Variants in MYO5C observed in about 807,000 individuals in gnomAD.
The protein encoded by MYO5C is myosin VC.
A neutral mutation model predicts 235.7 loss-of-function variants in MYO5C; 194 were observed. That is an observed-to-expected ratio of 0.82 (90% CI 0.73 to 0.93). The LOEUF (loss-of-function observed/expected upper bound fraction) is 0.93, where lower values mean the gene tolerates loss of function less well. Ranked by LOEUF, MYO5C falls within the 40% of genes least tolerant of loss-of-function variation. The pLI, the probability that MYO5C is intolerant of heterozygous loss-of-function variation, is 0.00. For synonymous variants in MYO5C, 707 were observed against 754.8 expected (o/e 0.94, Z 1.04); for missense variants, 2,038 against 2,127.2 (o/e 0.96, Z 0.82).
chr15:52,282,251 C>T lies in MYO5C; in HGVS notation c.138+531G>A, dbSNP rs375844165. ...TTCTTGTCCCTGCCACACTCCCTCC[C>T]TTACACATTTCTATATATCTGTGGA... On this transcript the variant is annotated intron_variant, in intron 2 of 40. Coordinates refer to ENST00000261839, the MANE Select transcript of MYO5C (RefSeq NM_018728.4). Among the ~76,000 whole-genome samples, 29 of 152,322 alleles carry T rather than the reference C, an allele frequency of 1.9e-4. No homozygotes were observed. In the East Asian group the frequency reaches 5.6e-3, roughly 29 times the overall value.
In MYO5C at chr15:52,233,294, A is replaced by AT. The variant is rs1200269637; in HGVS notation, c.2963-610_2963-609insA. Among the ~76,000 whole-genome samples, 30 of 12,308 alleles carry AT rather than the reference A, an allele frequency of 2.4e-3. 6 individuals carry two copies. The highest frequency in any genetic ancestry group is 3.4e-3 in the African/African-American group (30 of 8,718). 8.1% of individuals were successfully genotyped at this position (12,308 alleles called of 152,430 possible). On this transcript the variant is annotated intron_variant, in intron 23 of 40. Coordinates refer to ENST00000261839, the MANE Select transcript of MYO5C (RefSeq NM_018728.4). ...ACTCCGTCTCAAAAAAAAAAAAAAA[A>AT]AAATTAAAAAAAAAAAAAAATAAAT...
At chr15:52,209,965 TTA>T (rs1161323109) in intron 35 of MYO5C, among the ~76,000 whole-genome samples, 19 of 152,240 alleles carry the variant, frequency 1.2e-4, no homozygotes, top group Admixed American at 1.1e-3. Flanking sequence ...AATTAATTAA[TTA>T]ATTTATTTAT....
intron 9 of MYO5C, among the ~76,000 whole-genome samples, chr15:52,261,376 G>A (rs1411836445): frequency 3.9e-5 from 6 of 152,244 alleles, no homozygotes; most frequent in Admixed American, 1.3e-4. Flanking sequence ...CCAGGGCTGC[G>A]TCCCACGCTG....
chr15:52,197,393 C>T (rs1447652732), intron 38 of MYO5C, among the ~76,000 whole-genome samples: 1 of 152,126 alleles, frequency 6.6e-6, no homozygotes, highest in South Asian at 2.1e-4. Context: ...CAAAAGATAA[C>T]ATTTTATGAT....
At position 52,205,876 on chromosome 15, in the gene MYO5C, C is replaced by T. The variant is rs1457183117; in HGVS notation, c.4477G>A (p.Ala1493Thr). 1 of 1,593,986 alleles carries T rather than the reference C, an allele frequency of 6.3e-7. No individual in the cohort carries two copies. The highest frequency in any genetic ancestry group is 8.6e-7 in the Non-Finnish European group (1 of 1,165,882). ...ATAAATTGATGATATATTCGTATAGCCACATCACTGAGAATCTGTCTGTAT... is the reference window on the plus strand; with the variant it reads ...ATAAATTGATGATATATTCGTATAGTCACATCACTGAGAATCTGTCTGTAT... ...SEYRQILSDV[A>T]IRIYHQFIII... Residue 1493 changes from alanine to threonine, a missense_variant, in exon 37 of 41, where the codon GCT becomes ACT. Physicochemically the swap from Ala to Thr is moderately conservative, Grantham distance 58. Transcript: ENST00000261839.
chr15:52,205,347 C>T (rs1431154356), intron 37 of MYO5C, 200 bp from the exon 38 acceptor site: 5 of 602,450 alleles, frequency 8.3e-6, no homozygotes, highest in Non-Finnish European at 1.4e-5. Flanking sequence ...CTGTTTCCAG[C>T]GGGGCTGCAG....
intron 12 of MYO5C, among the ~76,000 whole-genome samples, chr15:52,252,523 C>G (rs1413094349): frequency 1.3e-5 from 2 of 151,732 alleles, no homozygotes; most frequent in Non-Finnish European, 2.9e-5. Context: ...TGCCTGTAAT[C>G]CCAGCACTTT....
Position 52,225,462 on chromosome 15 carries a change from T to G in MYO5C, c.3278A>C (p.Gln1093Pro). The G allele has an allele frequency of 6.2e-7, 1 of 1,613,674 alleles. No individual in the cohort carries two copies. Reference protein sequence around the residue: ...AQKIDVEKHVQSQKREMREKM... With the variant: ...AQKIDVEKHVPSQKREMREKM... ...ACCTCTCATTTCCCGTTTTTGTGAC[T>G]GCACATGTTTCTCCACATCTATCTT... Residue 1093 changes from glutamine to proline, a missense_variant, in exon 26 of 41, where the codon CAG (glutamine) becomes CCG (proline). By Grantham distance (76) the Gln-to-Pro change is moderately conservative. Coordinates refer to ENST00000261839, the MANE Select transcript of MYO5C (RefSeq NM_018728.4).
chr15:52,211,728 A>C lies in MYO5C; in HGVS notation c.4296+2T>G. 2 of 1,613,316 alleles carry C rather than the reference A, an allele frequency of 1.2e-6. No homozygotes were observed. Among genetic ancestry groups the C allele is most frequent in the Non-Finnish European group, 1.7e-6 (2 of 1,179,552 alleles). ...GGGGCCAATGTCAAAGGCATTTCCT[A>C]CCTTAACCACCTGCTTGATGCCATT... On this transcript the variant is annotated splice_donor_variant, in intron 35 of 40. Transcript: ENST00000261839. LOFTEE classifies it high-confidence loss of function.
At chr15:52,241,823 G>T (rs911430926) in intron 20 of MYO5C, among the ~76,000 whole-genome samples, 1 of 152,056 alleles carries the variant, frequency 6.6e-6, no homozygotes, top group African/African-American at 2.4e-5. Context: ...ATAGCTCACT[G>T]CAGCCTCGAA....
chr15:52,261,650 T>C (rs143752257), intron 9 of MYO5C, among the ~76,000 whole-genome samples: 1 of 152,304 alleles, frequency 6.6e-6, no homozygotes, highest in African/African-American at 2.4e-5. Context: ...GTGCCTCAGC[T>C]GACACGAGGG....
In MYO5C at chr15:52,275,672, C is replaced by G; in HGVS notation, c.496G>C (p.Gly166Arg). The G allele has an allele frequency of 6.2e-7, 1 of 1,614,182 alleles. No individual in the cohort carries two copies. The highest frequency in any genetic ancestry group is 8.5e-7 in the Non-Finnish European group (1 of 1,180,044). Residue 166 changes from glycine (G) to arginine (R), a missense_variant, in exon 5 of 41, where the codon GGA becomes CGA. Transcript: ENST00000261839. ...GCATAGCGAGCCGACACTGTCTTTCCAGCACCTGACTCCCCACTTACAATT... is the reference window on the plus strand; with the variant it reads ...GCATAGCGAGCCGACACTGTCTTTCGAGCACCTGACTCCCCACTTACAATT... ...SIIVSGESGA[G>R]KTVSARYAMR...
intron 16 of MYO5C, among the ~76,000 whole-genome samples, chr15:52,246,669 T>G (rs2036352767): frequency 6.6e-6 from 1 of 152,164 alleles, no homozygotes; most frequent in Non-Finnish European, 1.5e-5. Flanking sequence ...AAGTAAAAGG[T>G]TCAAGTTGCA....
rs185443472 is a variant in MYO5C at position 52,238,839 on chromosome 15, C to T, written c.2703+894G>A. ...TGTATTTTTAGTAGAGACGGGGTTTCACCATGTTAGCCAGGATGGTCTCGA... is the reference window on the plus strand; with the variant it reads ...TGTATTTTTAGTAGAGACGGGGTTTTACCATGTTAGCCAGGATGGTCTCGA... On this transcript the variant is annotated intron_variant, in intron 21 of 40. Transcript: ENST00000261839. Among the ~76,000 whole-genome samples, 761 of 151,618 alleles carry T rather than the reference C, an allele frequency of 5.0e-3. 13 individuals are homozygous for T. The highest frequency in any genetic ancestry group is 0.027 in the Admixed American group (408 of 15,232).
chr15:52,238,153 G>C (rs909079009), intron 21 of MYO5C, among the ~76,000 whole-genome samples: 1 of 152,162 alleles, frequency 6.6e-6, no homozygotes, highest in African/African-American at 2.4e-5. Context: ...GCTAAGGAGA[G>C]AGGCCTCAGA....
intron 1 of MYO5C, among the ~76,000 whole-genome samples, chr15:52,286,811 C>T (rs560563630): frequency 6.6e-6 from 1 of 151,942 alleles, no homozygotes; most frequent in Admixed American, 6.5e-5. Flanking sequence ...TGAGGAAGGC[C>T]GCAGGGTCCT....
intron 30 of MYO5C, 23 bp from the exon 31 acceptor site, chr15:52,219,845 T>C (rs1383929135): frequency 1.3e-6 from 2 of 1,580,588 alleles, no homozygotes; most frequent in Non-Finnish European, 8.7e-7. Context: ...GAACTGTCAG[T>C]ACTTTGGGGG....
At chr15:52,270,410 A>T (rs894443680) in intron 7 of MYO5C, among the ~76,000 whole-genome samples, 5 of 152,180 alleles carry the variant, frequency 3.3e-5, no homozygotes, top group African/African-American at 1.2e-4. Flanking sequence ...CTAACTCTAA[A>T]GCTCATGGTT....
intron 38 of MYO5C, among the ~76,000 whole-genome samples, chr15:52,202,140 G>A (rs1368929972): frequency 1.3e-5 from 2 of 152,172 alleles, no homozygotes; most frequent in East Asian, 1.9e-4. Context: ...GTGAGACTCC[G>A]TTTCTACAAA....
Sources: allele counts gnomAD v4.1 joint callset (sites outside exome capture counted in the v4.1 genomes callset), GRCh38; gene constraint gnomAD v4.1.1; transcripts MANE v1.5; gene names NCBI Gene and HGNC (gene_info 2026-07-23, HGNC 2026-07-21).